Variants in CUX1 observed in about 807,000 individuals in gnomAD.
The protein encoded by CUX1 is cut like homeobox 1.
Under a neutral mutation model 158.8 loss-of-function variants are expected in CUX1, and 31 were observed. The ratio of observed to expected loss-of-function variants is 0.20; its 90% CI spans 0.15 to 0.26. The LOEUF (loss-of-function observed/expected upper bound fraction) is 0.26. CUX1 is among the 10% of genes least tolerant of loss of function. The pLI is 1.00. For missense variants in CUX1, 1,589 were observed against 2,014.6 expected, an observed-to-expected ratio of 0.79 and a Z score of 4.04; for synonymous variants, 879 against 862.1, an observed-to-expected ratio of 1.02 and a Z score of -0.34.
chr7:102,135,262 T>C (rs549161353), intron 8 of CUX1, among the ~76,000 whole-genome samples: 227 of 152,266 alleles, frequency 1.5e-3, no homozygotes, highest in African/African-American at 5.3e-3. Flanking sequence ...TTATATACAA[T>C]ATTCTTCCAA....
intron 1 of CUX1, among the ~76,000 whole-genome samples, chr7:101,823,898 G>A (rs1792960315): frequency 6.6e-6 from 1 of 152,078 alleles, no homozygotes. Context: ...TTCAGATCCT[G>A]TCCACCCAGC....
rs138694856 is a variant in CUX1 at position 102,003,831 on chromosome 7, A to G, written c.142-24267A>G. On this transcript the variant is annotated intron_variant, in intron 2 of 23. Coordinates refer to ENST00000292535, the MANE Select transcript of CUX1 (RefSeq NM_181552.4). ...AATATCACCATCTCCTTGAATACTC[A>G]TAGTCCGCAGTTTGCTTCATGTTAT... Among the ~76,000 whole-genome samples, 5 of 152,278 alleles carry G rather than the reference A, an allele frequency of 3.3e-5. No homozygotes were observed. In the East Asian group the frequency reaches 5.8e-4, roughly 18 times the overall value.
At chr7:102,130,620 G>T (rs1383503297) in intron 8 of CUX1, among the ~76,000 whole-genome samples, 1 of 152,086 alleles carries the variant, frequency 6.6e-6, no homozygotes, top group Non-Finnish European at 1.5e-5. Context: ...GGCAGAGGTT[G>T]CAGTGAGCTG....
chr7:102,163,262 C>T (rs939593311), intron 9 of CUX1, among the ~76,000 whole-genome samples: 1 of 151,480 alleles, frequency 6.6e-6, no homozygotes, highest in Non-Finnish European at 1.5e-5. Context: ...GAGGCAGGAG[C>T]ATCACTTGAG....
chr7:102,269,129 TG>T (rs1791027339), intron 14 of CUX1, among the ~76,000 whole-genome samples: 1 of 123,412 alleles, frequency 8.1e-6, no homozygotes, highest in South Asian at 2.3e-4. Context: ...TTTGTTTGTT[TG>T]TTTGTTTGTT....
intron 2 of CUX1, among the ~76,000 whole-genome samples, chr7:101,970,701 G>A (rs761146238): frequency 2.5e-4 from 38 of 152,168 alleles, no homozygotes; most frequent in Middle Eastern, 3.4e-3. Flanking sequence ...GATTACAGGC[G>A]CGTACGACCA....
intron 2 of CUX1, among the ~76,000 whole-genome samples, chr7:102,023,095 G>A (rs1011065831): frequency 3.3e-5 from 5 of 152,118 alleles, no homozygotes; most frequent in African/African-American, 4.8e-5. Context: ...CGCACCTATA[G>A]TCTCAGCTAC....
chr7:102,215,728 T>C (rs1796984066), intron 20 of CUX1, among the ~76,000 whole-genome samples: 1 of 152,182 alleles, frequency 6.6e-6, no homozygotes, highest in Non-Finnish European at 1.5e-5. Context: ...TTCACTCACC[T>C]GGGCATTGAG....
At chr7:101,825,455 G>A (rs1793146331) in intron 1 of CUX1, among the ~76,000 whole-genome samples, 1 of 152,180 alleles carries the variant, frequency 6.6e-6, no homozygotes, top group Non-Finnish European at 1.5e-5. Context: ...CCACAAGGTG[G>A]CCAGGGCCCT....
intron 8 of CUX1, among the ~76,000 whole-genome samples, chr7:102,116,635 C>A (rs1397486803): frequency 1.3e-5 from 2 of 151,990 alleles, no homozygotes; most frequent in African/African-American, 4.8e-5. Context: ...CAGAGCAAGA[C>A]CCTGCCCCTA....
At chr7:102,203,940 GCAGAGGACAC>G (rs1442110410) in intron 18 of CUX1, among the ~76,000 whole-genome samples, 1 of 152,206 alleles carries the variant, frequency 6.6e-6, no homozygotes, top group Non-Finnish European at 1.5e-5. Context: ...CTCAGCGTTT[GCAGAGGACAC>G]CAGCTTCGCC....
In CUX1 at chr7:101,831,506, G is replaced by A. The variant is rs1794006096; in HGVS notation, c.30+13837G>A. On this transcript the variant is annotated intron_variant, in intron 1 of 23. Transcript: ENST00000292535. ...GGGGTTTTGCCATGTTGGCCTGGCT[G>A]GTCTCGAACTCCTGACCTCAGGTGA... Among the ~76,000 whole-genome samples the A allele has an allele frequency of 2.0e-5, 3 of 152,012 alleles. 1 individual carries two copies. The South Asian group carries it at 6.2e-4, about 32-fold the overall frequency.
intron 2 of CUX1, among the ~76,000 whole-genome samples, chr7:101,925,770 GAAAAAT>G (rs927518020): frequency 5.9e-5 from 9 of 152,012 alleles, no homozygotes; most frequent in African/African-American, 2.2e-4. Context: ...CACCCCTACA[GAAAAAT>G]AGAAATATTA....
At chr7:101,850,279 CT>C (rs1377278573) in intron 1 of CUX1, among the ~76,000 whole-genome samples, 1 of 151,906 alleles carries the variant, frequency 6.6e-6, no homozygotes, top group Non-Finnish European at 1.5e-5. Context: ...TGCATGTTTT[CT>C]TTTCTTCAAA....
intron 1 of CUX1, among the ~76,000 whole-genome samples, chr7:101,895,902 G>GTTTTTT (rs1193952295): frequency 7.4e-5 from 3 of 40,454 alleles, no homozygotes; most frequent in African/African-American, 2.5e-4. Flanking sequence ...TTTTTTTTTT[G>GTTTTTT]TTTTTGTTTT....
At chr7:102,103,910 C>T (rs1830061049) in intron 5 of CUX1, among the ~76,000 whole-genome samples, 1 of 152,116 alleles carries the variant, frequency 6.6e-6, no homozygotes, top group Non-Finnish European at 1.5e-5. Flanking sequence ...ATTGCTTCTT[C>T]CAAAATGCAC....
intron 14 of CUX1, among the ~76,000 whole-genome samples, chr7:102,269,659 G>A (rs1179786918): frequency 1.4e-5 from 2 of 146,378 alleles, no homozygotes; most frequent in Non-Finnish European, 3.0e-5. Flanking sequence ...CCTGACCTCA[G>A]GTGATCTGCC....
In CUX1 at chr7:102,043,647, C is replaced by T. The variant is rs531325242; in HGVS notation, c.189+15502C>T. ...ATGTATTTGTTGTTGGATGCTTAGT[C>T]TGTTTCCATATCTTTCTATTGTAAA... is the stretch of plus-strand genomic sequence containing the variant. On this transcript the variant is annotated intron_variant, in intron 3 of 23. Coordinates refer to ENST00000292535, the MANE Select transcript of CUX1 (RefSeq NM_181552.4). 4.1e-4 allele frequency among the ~76,000 whole-genome samples: 63 copies of T among 152,174 alleles called. 1 individual carries two copies. In the South Asian group the frequency reaches 0.013, roughly 32 times the overall value.
intron 1 of CUX1, among the ~76,000 whole-genome samples, chr7:101,883,842 G>A (rs531539209): frequency 3.9e-5 from 6 of 151,934 alleles, no homozygotes; most frequent in East Asian, 1.9e-4. Flanking sequence ...GTGATCCACC[G>A]ACCTCGACCT....
Sources: gnomAD v4.1 joint callset for allele counts (sites outside exome capture counted in the v4.1 genomes callset) on GRCh38, gnomAD v4.1.1 for gene constraint, MANE v1.5 for transcripts, NCBI Gene and HGNC (gene_info 2026-07-23, HGNC 2026-07-21) for gene names.